The following CHSY3 variants were observed in gnomAD, a reference collection of about 807,000 sequenced individuals.
CHSY3 encodes the protein chondroitin sulfate synthase 3.
In CHSY3, 35 loss-of-function variants were observed where a neutral mutation model predicts 67.2. That is an observed-to-expected ratio of 0.52 (90% confidence interval 0.40 to 0.69). The LOEUF (loss-of-function observed/expected upper bound fraction) is 0.69, where lower values mean the gene tolerates loss of function less well. CHSY3 is among the 30% of genes least tolerant of loss of function. The probability of loss-of-function intolerance (pLI) is 0.00; values close to 1 mark genes in which losing one functional copy is unlikely to be tolerated. For synonymous variants in CHSY3, 474 were observed against 434.7 expected (o/e 1.09, Z -1.12); for missense variants, 1,069 against 1,138.5 (o/e 0.94, Z 0.88).
At chr5:130,015,224 C>G (rs1239242704) in intron 2 of CHSY3, among the ~76,000 whole-genome samples, 1 of 152,120 alleles carries the variant, frequency 6.6e-6, no homozygotes, top group Non-Finnish European at 1.5e-5. Flanking sequence ...TTCCCCTTCA[C>G]CTTTTGCCAT....
intron 2 of CHSY3, among the ~76,000 whole-genome samples, chr5:129,916,355 T>C (rs1229327548): frequency 6.6e-6 from 1 of 152,188 alleles, no homozygotes; most frequent in East Asian, 1.9e-4. Flanking sequence ...AAGGACAGGA[T>C]GGCCCCCCAA....
At chr5:130,091,536 C>T (rs1375271284) in intron 2 of CHSY3, among the ~76,000 whole-genome samples, 1 of 152,052 alleles carries the variant, frequency 6.6e-6, no homozygotes, top group Non-Finnish European at 1.5e-5. Flanking sequence ...TTCAAGATCC[C>T]TCTAGGTCAA....
At position 130,006,105 on chromosome 5, in the gene CHSY3, A is replaced by G. The variant is rs1243264187; in HGVS notation, c.1086+97745A>G. Among the ~76,000 whole-genome samples, 3 of 152,182 alleles carry G rather than the reference A, an allele frequency of 2.0e-5. No individual in the cohort carries two copies. The East Asian group carries it at 5.8e-4, about 29-fold the overall frequency. ...TAAGCATTGCAGAAAATAGAAGGGT[A>G]TTTGGGTCACTGGGGTCTGAGAGTA... is the stretch of plus-strand genomic sequence containing the variant. On this transcript the variant is annotated intron_variant, in intron 2 of 2. Coordinates refer to ENST00000305031, the MANE Select transcript of CHSY3 (RefSeq NM_175856.5).
chr5:130,134,524 AT>A (rs1227676673), intron 2 of CHSY3, among the ~76,000 whole-genome samples: 1 of 152,110 alleles, frequency 6.6e-6, no homozygotes, highest in Non-Finnish European at 1.5e-5. Flanking sequence ...TGTTGAACAC[AT>A]TTACTCTCCT....
intron 2 of CHSY3, among the ~76,000 whole-genome samples, chr5:130,061,811 T>G (rs547107196): frequency 1.2e-4 from 18 of 151,888 alleles, no homozygotes; most frequent in Non-Finnish European, 2.4e-4. Flanking sequence ...TGTTCAACAT[T>G]GCTGATCATC....
intron 2 of CHSY3, among the ~76,000 whole-genome samples, chr5:129,946,842 C>A (rs962536553): frequency 3.9e-5 from 6 of 152,162 alleles, no homozygotes; most frequent in Non-Finnish European, 8.8e-5. Context: ...AACAGACACC[C>A]AAGCCGTTTA....
chr5:130,056,269 TA>T (rs35144419), intron 2 of CHSY3, among the ~76,000 whole-genome samples: 12,202 of 144,372 alleles, frequency 0.085, 1,458 homozygotes, highest in African/African-American at 0.27. Flanking sequence ...AGAAGTTTGT[TA>T]AAAAAAAAAA....
intron 2 of CHSY3, among the ~76,000 whole-genome samples, chr5:130,018,063 C>T (rs958964587): frequency 1.3e-5 from 2 of 152,182 alleles, no homozygotes; most frequent in South Asian, 2.1e-4. Context: ...TGTAGAGGTA[C>T]GTCTTTAGGT....
intron 2 of CHSY3, among the ~76,000 whole-genome samples, chr5:129,973,948 A>C (rs1429588784): frequency 6.6e-6 from 1 of 151,766 alleles, no homozygotes; most frequent in Non-Finnish European, 1.5e-5. Flanking sequence ...CAACCTCATG[A>C]TTTTTCATAA....
At chr5:130,075,450 A>G (rs1410880794) in intron 2 of CHSY3, among the ~76,000 whole-genome samples, 1 of 152,130 alleles carries the variant, frequency 6.6e-6, no homozygotes, top group Non-Finnish European at 1.5e-5. Context: ...GAAAGTACCC[A>G]ATGCCTTTCT....
At chr5:130,180,432 TTATACA>T (rs1770209581) in intron 2 of CHSY3, among the ~76,000 whole-genome samples, 1 of 152,228 alleles carries the variant, frequency 6.6e-6, no homozygotes, top group Non-Finnish European at 1.5e-5. Flanking sequence ...ATTTATACAG[TTATACA>T]ATCATTACCA....
chr5:130,076,114 T>C (rs1272745136), intron 2 of CHSY3, among the ~76,000 whole-genome samples: 1 of 152,166 alleles, frequency 6.6e-6, no homozygotes, highest in African/African-American at 2.4e-5. Context: ...CAATTTACCC[T>C]GTGCCATTGT....
At chr5:130,026,938 A>G (rs1764561302) in intron 2 of CHSY3, among the ~76,000 whole-genome samples, 1 of 152,132 alleles carries the variant, frequency 6.6e-6, no homozygotes, top group African/African-American at 2.4e-5. Flanking sequence ...TACATAGGTA[A>G]ATCTAATTTA....
At chr5:130,059,392 T>C (rs1245554887) in intron 2 of CHSY3, among the ~76,000 whole-genome samples, 1 of 148,170 alleles carries the variant, frequency 6.7e-6, no homozygotes, top group East Asian at 1.9e-4. Flanking sequence ...TCTCTACCTC[T>C]CTCTCTCTCT....
In CHSY3 at chr5:129,986,787, C is replaced by T. The variant is rs531457689; in HGVS notation, c.1086+78427C>T. On this transcript the variant is annotated intron_variant, in intron 2 of 2. Coordinates refer to ENST00000305031, the MANE Select transcript of CHSY3 (RefSeq NM_175856.5). Reference sequence around the variant, plus strand: ...CCCCCCAAGTAGCTGGGATTACAGGCATGTGCCACTGCACCCAGCTAATTT... The same window carrying T: ...CCCCCCAAGTAGCTGGGATTACAGGTATGTGCCACTGCACCCAGCTAATTT... Among the ~76,000 whole-genome samples the T allele has an allele frequency of 1.7e-3, 264 of 152,234 alleles. 2 individuals are homozygous for T. Among genetic ancestry groups the T allele is most frequent in the African/African-American group, 6.2e-3 (256 of 41,556 alleles).
chr5:130,079,525 G>A (rs1766379272), intron 2 of CHSY3, among the ~76,000 whole-genome samples: 2 of 152,074 alleles, frequency 1.3e-5, no homozygotes, highest in African/African-American at 2.4e-5. Context: ...GCTGTCGTAT[G>A]TAGAGTGGAT....
intron 2 of CHSY3, among the ~76,000 whole-genome samples, chr5:130,155,549 G>A (rs767963235): frequency 6.6e-6 from 1 of 152,178 alleles, no homozygotes; most frequent in Non-Finnish European, 1.5e-5. Context: ...AACACTGCCA[G>A]CTTTGCATAT....
chr5:129,909,839 T>G (rs539996272), intron 2 of CHSY3, among the ~76,000 whole-genome samples: 1 of 152,136 alleles, frequency 6.6e-6, no homozygotes, highest in South Asian at 2.1e-4. Flanking sequence ...AAAATATTTG[T>G]GTGGATAAGT....
Position 129,904,791 on chromosome 5 carries a change from G to C in CHSY3, c.-39G>C. On this transcript the variant is annotated 5_prime_UTR_variant, in exon 1 of 3. Coordinates refer to ENST00000305031, the MANE Select transcript of CHSY3 (RefSeq NM_175856.5). ...AGCCGGGGAAACCGCGTGCCGCGCC[G>C]CGACAGCCCAGCGAGCGTCCGCGCC... The C allele has an allele frequency of 7.6e-7, 1 of 1,314,218 alleles. No individual in the cohort carries two copies. The highest frequency in any genetic ancestry group is 9.7e-7 in the Non-Finnish European group (1 of 1,032,502). The allele number at this position is 1,314,218 out of a possible 1,614,324, so 81.4% of individuals were successfully genotyped here.
Sources: gnomAD v4.1 joint callset for allele counts (sites outside exome capture counted in the v4.1 genomes callset) on GRCh38, gnomAD v4.1.1 for gene constraint, MANE v1.5 for transcripts, NCBI Gene and HGNC (gene_info 2026-07-23, HGNC 2026-07-21) for gene names.